Variants in ADAMTS6 observed in about 807,000 individuals in gnomAD.
ADAMTS6 encodes the protein A disintegrin and metalloproteinase with thrombospondin motifs 6.
Under a neutral mutation model 144.3 loss-of-function variants are expected in ADAMTS6, and 23 were observed. That is an observed-to-expected ratio of 0.16 (90% confidence interval 0.11 to 0.23). The LOEUF is 0.23. ADAMTS6 is among the 10% of genes least tolerant of loss of function. The pLI is 1.00. For synonymous variants in ADAMTS6, 444 were observed against 457.5 expected (o/e 0.97, Z 0.38); for missense variants, 999 against 1,379.6 (o/e 0.72, Z 4.37).
Position 65,260,675 on chromosome 5 carries a change from T to C in ADAMTS6, c.1767-12A>G, listed in dbSNP as rs774107880. ...CACCTCCTGAAGGTCTGAAAAAACATTGTGTTTAAAATGTGAATACTAATA... is the reference window on the plus strand; with the variant it reads ...CACCTCCTGAAGGTCTGAAAAAACACTGTGTTTAAAATGTGAATACTAATA... On this transcript the variant is annotated splice_polypyrimidine_tract_variant and intron_variant, in intron 13 of 24. Transcript: ENST00000381055. The C allele has an allele frequency of 2.0e-5, 32 of 1,610,872 alleles. No homozygotes were observed. Among genetic ancestry groups the C allele is most frequent in the Non-Finnish European group, 2.5e-5 (29 of 1,177,578 alleles).
intron 24 of ADAMTS6, among the ~76,000 whole-genome samples, chr5:65,152,372 T>C (rs1752185140): frequency 6.6e-6 from 1 of 152,158 alleles, no homozygotes; most frequent in African/African-American, 2.4e-5. Context: ...GTTGCATTGT[T>C]TGATACCAAA....
intron 22 of ADAMTS6, among the ~76,000 whole-genome samples, chr5:65,177,391 T>C (rs1361611420): frequency 6.6e-6 from 1 of 152,234 alleles, no homozygotes; most frequent in African/African-American, 2.4e-5. Flanking sequence ...TGCCTTGTTA[T>C]ACCCTGTGGG....
chr5:65,196,932 CAT>C (rs1422147702), intron 21 of ADAMTS6, 88 bp downstream of exon 21: 2 of 1,445,228 alleles, frequency 1.4e-6, no homozygotes, highest in Non-Finnish European at 9.2e-7. Context: ...AATTTATTCT[CAT>C]CATATAAATA....
intron 7 of ADAMTS6, among the ~76,000 whole-genome samples, chr5:65,356,114 T>C (rs1033030312): frequency 1.3e-5 from 2 of 151,832 alleles, no homozygotes; most frequent in Admixed American, 1.3e-4. Flanking sequence ...TTAGACTACA[T>C]TTAAATGACT....
intron 15 of ADAMTS6, among the ~76,000 whole-genome samples, chr5:65,238,184 A>G (rs533696010): frequency 6.6e-6 from 1 of 152,270 alleles, no homozygotes; most frequent in African/African-American, 2.4e-5. Context: ...ACATGTACAA[A>G]TTATACTCTA....
chr5:65,462,449 G>A (rs1002117707), intron 3 of ADAMTS6, among the ~76,000 whole-genome samples: 1 of 152,150 alleles, frequency 6.6e-6, no homozygotes, highest in Non-Finnish European at 1.5e-5. Flanking sequence ...ACAATCCAGA[G>A]ATTTTATATG....
intron 24 of ADAMTS6, among the ~76,000 whole-genome samples, chr5:65,159,249 C>T (rs557102245): frequency 6.6e-6 from 1 of 152,154 alleles, no homozygotes; most frequent in Admixed American, 6.6e-5. Context: ...AATTCTTTCT[C>T]ATTCTACTCC....
At chr5:65,437,728 C>T (rs913526672) in intron 7 of ADAMTS6, among the ~76,000 whole-genome samples, 6 of 152,306 alleles carry the variant, frequency 3.9e-5, no homozygotes, top group South Asian at 2.1e-4. Flanking sequence ...TTCTTGTATA[C>T]ACTAAATCAT....
At chr5:65,215,030 C>G (rs1756813421) in intron 19 of ADAMTS6, 98 bp from the exon 20 acceptor site, 5 of 1,442,710 alleles carry the variant, frequency 3.5e-6, no homozygotes. Context: ...CAAAACAAGT[C>G]TTACAGGAAA....
chr5:65,345,677 A>G lies in ADAMTS6; in HGVS notation c.1074-11592T>C, dbSNP rs148117677. Among the ~76,000 whole-genome samples, 914 of 151,922 alleles carry G rather than the reference A, an allele frequency of 6.0e-3. 8 individuals carry two copies. The highest frequency in any genetic ancestry group is 0.021 in the African/African-American group (864 of 41,540). The stretch of plus-strand genomic sequence containing the variant: ...GAAAGTGTTTTCATTCTTTTACACC[A>G]TTGGAGTACAATTTATTAGACTGAA... On this transcript the variant is annotated intron_variant, in intron 7 of 24. Coordinates refer to ENST00000381055, the MANE Select transcript of ADAMTS6 (RefSeq NM_197941.4).
chr5:65,463,510 G>A (rs1167415532), intron 3 of ADAMTS6, among the ~76,000 whole-genome samples: 1 of 152,112 alleles, frequency 6.6e-6, no homozygotes, highest in Non-Finnish European at 1.5e-5. Flanking sequence ...CAAAAGCCTT[G>A]CTCTCACTTA....
Position 65,467,230 on chromosome 5 carries a change from C to G in ADAMTS6, c.462+3548G>C, listed in dbSNP as rs138556426. Among the ~76,000 whole-genome samples the G allele has an allele frequency of 1.3e-3, 204 of 151,668 alleles. 2 individuals carry two copies. Among genetic ancestry groups the G allele is most frequent in the African/African-American group, 4.8e-3 (200 of 41,392 alleles). ...AGAAAAAGATAAGCGAAGCAGAGAACCAATTCCAGAAAGAGAGTGCAGGGA... is the reference window on the plus strand; with the variant it reads ...AGAAAAAGATAAGCGAAGCAGAGAAGCAATTCCAGAAAGAGAGTGCAGGGA... On this transcript the variant is annotated intron_variant, in intron 3 of 24. Transcript: ENST00000381055.
In ADAMTS6 at chr5:65,236,116, A is replaced by T. The variant is rs1221163791; in HGVS notation, c.1933+5988T>A. Among the ~76,000 whole-genome samples the T allele has an allele frequency of 2.0e-5, 3 of 152,212 alleles. No individual in the cohort carries two copies. The East Asian group carries it at 5.8e-4, about 29-fold the overall frequency. ...ATATAATAGTTGGAGATTTTAACAC[A>T]GCACTCTCAATAATTGATAGAATGA... On this transcript the variant is annotated intron_variant, in intron 15 of 24. Coordinates refer to ENST00000381055, the MANE Select transcript of ADAMTS6 (RefSeq NM_197941.4).
chr5:65,230,825 GTATAAATATATATATAATACATATA>G (rs1561306233), intron 15 of ADAMTS6, among the ~76,000 whole-genome samples: 946 of 68,288 alleles, frequency 0.014, 155 homozygotes, highest in African/African-American at 0.057. Flanking sequence ...TAATACATAT[GTATAAATATATATATAATACATATA>G]TATGAAATAT....
chr5:65,362,390 TA>T (rs1311557144), intron 7 of ADAMTS6, among the ~76,000 whole-genome samples: 1 of 152,194 alleles, frequency 6.6e-6, no homozygotes, highest in Non-Finnish European at 1.5e-5. Context: ...AACAGAAAAG[TA>T]CTTAAACTTA....
chr5:65,317,724 A>G (rs1745151558), intron 9 of ADAMTS6, among the ~76,000 whole-genome samples: 2 of 152,220 alleles, frequency 1.3e-5, no homozygotes, highest in Admixed American at 1.3e-4. Flanking sequence ...AAAAAGTCTA[A>G]TAACTGGATT....
intron 7 of ADAMTS6, among the ~76,000 whole-genome samples, chr5:65,397,354 ACTTT>A (rs1405004076): frequency 6.6e-6 from 1 of 151,954 alleles, no homozygotes; most frequent in Non-Finnish European, 1.5e-5. Context: ...TCTTCTGCTT[ACTTT>A]GAGTTTAATT....
intron 1 of ADAMTS6, among the ~76,000 whole-genome samples, chr5:65,476,672 G>C (rs925639679): frequency 5.3e-5 from 8 of 151,770 alleles, no homozygotes; most frequent in East Asian, 1.9e-4. Context: ...GCAGTGGCAC[G>C]ATCTCAGCTC....
intron 7 of ADAMTS6, among the ~76,000 whole-genome samples, chr5:65,426,004 G>T (rs1756488675): frequency 6.6e-6 from 1 of 151,350 alleles, no homozygotes; most frequent in Non-Finnish European, 1.5e-5. Context: ...GCCCGCCTCG[G>T]CCTCCCAAAG....
Sources: allele counts gnomAD v4.1 joint callset (sites outside exome capture counted in the v4.1 genomes callset), GRCh38; gene constraint gnomAD v4.1.1; transcripts MANE v1.5; gene names NCBI Gene and HGNC (gene_info 2026-07-23, HGNC 2026-07-21).